SALL2: variants seen among roughly 807,000 people sequenced by gnomAD.
SALL2 encodes the protein spalt like transcription factor 2.
SALL2 carries 32 observed loss-of-function variants against 58.5 expected under a neutral mutation model. The ratio of observed to expected loss-of-function variants is 0.55; its 90% CI spans 0.41 to 0.74. The LOEUF is 0.74. Among genes scored for constraint, SALL2 ranks in the 30% least tolerant of loss-of-function variants. The pLI is 0.00. For missense variants in SALL2, 1,201 were observed against 1,268.9 expected (o/e 0.95, Z 0.81); for synonymous variants, 516 against 513.6 (o/e 1.00, Z -0.06).
Position 21,522,681 on chromosome 14 carries a change from G to A in SALL2, c.*23C>T, listed in dbSNP as rs761714871. ...CTGTTTCTGCTCTGTGGGACAAAGA[G>A]CAGCAGGTACAGAAAAACAGGCTCA... On this transcript the variant is annotated 3_prime_UTR_variant, in exon 2 of 2. Coordinates refer to ENST00000537235, the MANE Select transcript of SALL2 (RefSeq NM_001364564.1). The A allele has an allele frequency of 5.3e-6, 8 of 1,513,316 alleles. No homozygotes were observed. In the African/African-American group the frequency reaches 7.0e-5, roughly 13 times the overall value. 93.7% of individuals were successfully genotyped at this position (1,513,316 alleles called of 1,614,324 possible). A position where few individuals can be genotyped will look rare whatever the true frequency, so the allele number is the denominator to read the frequency against.
At chr14:21,527,154 C>T (rs974104821), upstream of SALL2, among the ~76,000 whole-genome samples, 2 of 152,182 alleles carry the variant, frequency 1.3e-5, no homozygotes, top group African/African-American at 4.8e-5. Flanking sequence ...TTTGGGGAGA[C>T]GCTAGCCTGC....
chr14:21,536,871 T>A, intron 1 of SALL2: 1 of 1,614,130 alleles, frequency 6.2e-7, no homozygotes, highest in South Asian at 1.1e-5. Flanking sequence ...CGCTGGGACC[T>A]TCGCAGTCCG....
chr14:21,530,562 A>T (rs1566517186), upstream of SALL2, among the ~76,000 whole-genome samples: 2 of 152,166 alleles, frequency 1.3e-5, no homozygotes. Flanking sequence ...TGTTGGGATT[A>T]CAGGCGTGAG....
At position 21,524,449 on chromosome 14, in the gene SALL2, A is replaced by G. The variant is rs754847419; in HGVS notation, c.1273T>C (p.Tyr425His). The change falls in exon 2 of 2, where the codon TAC becomes CAC. Residue 425 changes from tyrosine to histidine, a missense_variant. Physicochemically the swap from Tyr to His is moderately conservative, Grantham distance 83. Transcript: ENST00000537235. ...TGTGGGTTCATCTGCACATGTGGGT[A>G]CTTCTCACGATGCCGGTGGAAATGC... ...KVHFHRHREK[Y>H]PHVQMNPHPV... 1 of 1,614,226 alleles carries G rather than the reference A, an allele frequency of 6.2e-7. No individual in the cohort carries two copies. Among genetic ancestry groups the G allele is most frequent in the Non-Finnish European group, 8.5e-7 (1 of 1,180,036 alleles).
At position 21,522,210 on chromosome 14, in the gene SALL2, G is replaced by A. The variant is rs907605897; in HGVS notation, c.*494C>T. ...GGAGCTGGAATTCCAGGGCTTCATG[G>A]GCAGGCCATTTGACAGGAATGCCAC... On this transcript the variant is annotated 3_prime_UTR_variant, in exon 2 of 2. Coordinates refer to ENST00000537235, the MANE Select transcript of SALL2 (RefSeq NM_001364564.1). The A allele has an allele frequency of 7.5e-6, 12 of 1,596,952 alleles. No homozygotes were observed. In the East Asian group the frequency reaches 2.0e-4, roughly 27 times the overall value.
chr14:21,526,099 C>A lies in SALL2; in HGVS notation c.29G>T (p.Arg10Leu). 1 of 1,538,768 alleles carries A rather than the reference C, an allele frequency of 6.5e-7. No individual in the cohort carries two copies. Among genetic ancestry groups the A allele is most frequent in the African/African-American group, 1.4e-5 (1 of 73,240 alleles). ...CGGCTCCCCGCAGGGCACCCCGAGA[C>A]GAGAGCTCCTCTCGGATTCGTGCGC... MAHESERSS[R>L]LGVPCGEPAE... The change falls in exon 1 of 2, where the codon CGT becomes CTT. Residue 10 changes from arginine (R) to leucine (L), a missense_variant. Coordinates refer to ENST00000537235, the MANE Select transcript of SALL2 (RefSeq NM_001364564.1).
rs536341956 is a variant in SALL2 at position 21,523,570 on chromosome 14, T to G, written c.2152A>C (p.Asn718His). The change falls in exon 2 of 2, where the codon AAC (asparagine) becomes CAC (histidine). Residue 718 changes from asparagine to histidine, a missense_variant. Asn to His is a moderately conservative substitution (Grantham distance 68). Coordinates refer to ENST00000537235, the MANE Select transcript of SALL2 (RefSeq NM_001364564.1). The surrounding 1 kb of genome is among the most constrained non-coding windows in gnomAD (Gnocchi z 4.4). ...VRMHLGGQIP[N>H]GGTALPEGGG... Reference sequence around the variant, plus strand: ...CCTTCAGGGAGTGCAGTACCACCGTTGGGGATCTGGCCCCCCAGGTGCATC... The same window carrying G: ...CCTTCAGGGAGTGCAGTACCACCGTGGGGGATCTGGCCCCCCAGGTGCATC... 2.5e-6 allele frequency: 4 copies of G among 1,614,198 alleles called. No homozygotes were observed. The highest frequency in any genetic ancestry group is 3.4e-6 in the Non-Finnish European group (4 of 1,180,044).
At chr14:21,526,473 T>C, upstream of SALL2, 2 of 1,276,236 alleles carry the variant, frequency 1.6e-6, no homozygotes, top group Non-Finnish European at 2.0e-6. Context: ...CTCGGGAGAG[T>C]TTCCGGAGGC....
rs566445442 is a variant in SALL2 at position 21,534,532 on chromosome 14, CAGCCGCTAAAGAT to C, written c.-114+2417_-114+2429del. ...AAAGGGCTTGAAAATCCATTCAAGACAGCCGCTAAAGATAGCTTTTGACTCCCTCACAGAAGAT... is the reference window on the plus strand; with the variant it reads ...AAAGGGCTTGAAAATCCATTCAAGACAGCTTTTGACTCCCTCACAGAAGAT... On this transcript the variant is annotated intron_variant, in intron 1 of 1. Coordinates refer to the SALL2 transcript ENST00000541965. Among the ~76,000 whole-genome samples, 28 of 152,252 alleles carry C rather than the reference CAGCCGCTAAAGAT, an allele frequency of 1.8e-4. 1 individual carries two copies. The South Asian group carries it at 5.6e-3, about 30-fold the overall frequency.
rs751594986 is a variant in SALL2 at position 21,523,998 on chromosome 14, T to TAGGGGA, written c.1718_1723dup (p.Phe573_Pro574dup). On this transcript the variant is annotated inframe_insertion, in exon 2 of 2. Coordinates refer to ENST00000537235, the MANE Select transcript of SALL2 (RefSeq NM_001364564.1). This position sits in a 1 kb window ranked among gnomAD's most constrained non-coding sequence, Gnocchi z 4.4. ...TGAGGCCCCCAAGGGCTCTAGCACA[T>TAGGGGA]AGGGGAAGGGGAAGCTGCCAGTGGA... The TAGGGGA allele has an allele frequency of 5.6e-6, 9 of 1,614,174 alleles. No individual in the cohort carries two copies. In the Admixed American group the frequency reaches 1.3e-4, roughly 24 times the overall value.
At chr14:21,534,855 G>GT (rs1414201577) in intron 1 of SALL2, among the ~76,000 whole-genome samples, 4 of 152,176 alleles carry the variant, frequency 2.6e-5, no homozygotes, top group African/African-American at 7.2e-5. Flanking sequence ...TATGGGCACA[G>GT]TAGGATCCCA....
Position 21,523,168 on chromosome 14 carries a change from G to A in SALL2, c.2554C>T (p.Gln852Ter). 3 of 1,614,140 alleles carry A rather than the reference G, an allele frequency of 1.9e-6. No individual in the cohort carries two copies. Among genetic ancestry groups the A allele is most frequent in the Non-Finnish European group, 1.7e-6 (2 of 1,180,036 alleles). ...CCTCCTAAAACACCACTGCTTCCCT[G>A]CTCCATTGGCTGAGGCTGATCCAGG... ...DSLDQPQPME[Q>*]GSSGVLGGKE... Residue 852 changes from glutamine (Q) to a stop codon, truncating the protein, a stop_gained, in exon 2 of 2, where the codon CAG becomes TAG. Coordinates refer to ENST00000537235, the MANE Select transcript of SALL2 (RefSeq NM_001364564.1). LOFTEE classifies it high-confidence loss of function. This position sits in a 1 kb window ranked among gnomAD's most constrained non-coding sequence, Gnocchi z 4.4.
rs774998712 is a variant in SALL2, at chr14:21,524,291, G to A, written c.1431C>T (p.Ala477=). The A allele has an allele frequency of 1.2e-6, 2 of 1,613,894 alleles. No homozygotes were observed. Among genetic ancestry groups the A allele is most frequent in the Non-Finnish European group, 1.7e-6 (2 of 1,179,902 alleles). Residue 477 remains alanine, a synonymous_variant, in exon 2 of 2, where the codon GCC becomes GCT. Coordinates refer to ENST00000537235, the MANE Select transcript of SALL2 (RefSeq NM_001364564.1). ...CTGTGGCACTGAGTGCTGTTGTGGA[G>A]GCCACCAGAGGCTTGCGCTCAACCC... is the stretch of plus-strand genomic sequence containing the variant. ...GGGVERKPLV[A]STTALSATES...
chr14:21,523,911 G>A lies in SALL2; in HGVS notation c.1811C>T (p.Ala604Val), dbSNP rs376577664. 6.2e-6 allele frequency: 10 copies of A among 1,614,038 alleles called. No homozygotes were observed. The East Asian group carries it at 1.1e-4, about 18-fold the overall frequency. The change falls in exon 2 of 2, where the codon GCG becomes GTG. Residue 604 changes from alanine (A) to valine (V), a missense_variant. Ala to Val is a moderately conservative substitution (Grantham distance 64). Around this residue, in one of 3 missense-constraint regions of SALL2, gnomAD observed 675 missense variants for 683.8 expected, o/e 0.99. Transcript: ENST00000537235. This position sits in a 1 kb window ranked among gnomAD's most constrained non-coding sequence, Gnocchi z 4.4. ...VEKIDRQGAV[A>V]VTSAASGAPT... ...GGCTCCTGAGGCAGCTGAGGTCACC[G>A]CCACAGCTCCTTGCCGGTCAATCTT...
chr14:21,532,214 A>G (rs758782047), intron 1 of SALL2, among the ~76,000 whole-genome samples: 33 of 152,226 alleles, frequency 2.2e-4, no homozygotes, highest in Admixed American at 6.5e-5. Flanking sequence ...GTATGATTCC[A>G]TTAGTATGAG....
Position 21,525,943 on chromosome 14 carries a change from G to A in SALL2, c.67+118C>T. The stretch of plus-strand genomic sequence containing the variant: ...ACAAGCGAGTTCACGGAATAGGTGT[G>A]GGGACAGGGGCCTACGCAGAGAATC... On this transcript the variant is annotated intron_variant, in intron 1 of 1. Coordinates refer to ENST00000537235, the MANE Select transcript of SALL2 (RefSeq NM_001364564.1). The surrounding 1 kb of genome is among the most constrained non-coding windows in gnomAD (Gnocchi z 4.4). 4 of 1,031,042 alleles carry A rather than the reference G, an allele frequency of 3.9e-6. No homozygotes were observed. Among genetic ancestry groups the A allele is most frequent in the Non-Finnish European group, 5.8e-6 (4 of 692,764 alleles). The allele number at this position is 1,031,042 out of a possible 1,614,324, so 63.9% of individuals were successfully genotyped here.
chr14:21,530,733 C>A (rs1413399218), upstream of SALL2, among the ~76,000 whole-genome samples: 1 of 152,170 alleles, frequency 6.6e-6, no homozygotes, highest in African/African-American at 2.4e-5. Flanking sequence ...CCTCAGCTTC[C>A]TGAATAGCTG....
chr14:21,529,912 A>G (rs1438627707), upstream of SALL2, among the ~76,000 whole-genome samples: 1 of 152,210 alleles, frequency 6.6e-6, no homozygotes, highest in Non-Finnish European at 1.5e-5. Context: ...AGGTGATTCC[A>G]ATGAGAATAC....
At chr14:21,530,281 C>CTTTTTTT (rs34598628), upstream of SALL2, among the ~76,000 whole-genome samples, 16 of 64,818 alleles carry the variant, frequency 2.5e-4, no homozygotes, top group Admixed American at 6.2e-4. Context: ...TTTTTTCTTT[C>CTTTTTTT]TTTTTTTTTT....
Sources: allele counts gnomAD v4.1 joint callset (sites outside exome capture counted in the v4.1 genomes callset), GRCh38; gene constraint gnomAD v4.1.1; regional missense constraint gnomAD v4.1.1; non-coding constraint Gnocchi (gnomAD v3.1); transcripts MANE v1.5; gene names NCBI Gene and HGNC (gene_info 2026-07-23, HGNC 2026-07-21).